FAT1: variants seen among roughly 807,000 people sequenced by gnomAD.
FAT1 encodes protocadherin Fat 1.
FAT1 carries 171 observed loss-of-function variants against 329.8 expected under a neutral mutation model. The observed-to-expected ratio is 0.52, with a 90% confidence interval of 0.46 to 0.59. FAT1 has a LOEUF of 0.59. FAT1 is among the 20% of genes least tolerant of loss of function. The probability of loss-of-function intolerance (pLI) is 0.00; values close to 1 mark genes in which losing one functional copy is unlikely to be tolerated. For missense variants in FAT1, 5,672 were observed against 5,774.4 expected (o/e 0.98, Z 0.57); for synonymous variants, 2,233 against 2,228.6 (o/e 1.00, Z -0.06).
At chr4:186,655,135 A>G (rs1395359928) in intron 3 of FAT1, among the ~76,000 whole-genome samples, 1 of 152,218 alleles carries the variant, frequency 6.6e-6, no homozygotes, top group East Asian at 1.9e-4. Flanking sequence ...CAGCTGTCAA[A>G]GAGCCTAAAA....
intron 2 of FAT1, among the ~76,000 whole-genome samples, chr4:186,696,843 G>T (rs535839734): frequency 2.0e-5 from 3 of 152,104 alleles, no homozygotes; most frequent in Non-Finnish European, 2.9e-5. Flanking sequence ...GGCCAACACA[G>T]CAAAAACTCG....
At chr4:186,666,247 G>T (rs1373055957) in intron 2 of FAT1, among the ~76,000 whole-genome samples, 1 of 151,938 alleles carries the variant, frequency 6.6e-6, no homozygotes, top group East Asian at 1.9e-4. Context: ...TGAGCTAACT[G>T]GTTCCTCCGT....
chr4:186,671,706 A>T (rs536248941), intron 2 of FAT1, among the ~76,000 whole-genome samples: 1 of 148,434 alleles, frequency 6.7e-6, no homozygotes, highest in East Asian at 1.9e-4. Context: ...CTCAAAAAAA[A>T]ATAAAAATAA....
rs1744677713 is a variant in FAT1, at chr4:186,707,324, T to G, written c.2504A>C (p.Lys835Thr). 6.2e-7 allele frequency: 1 copy of G among 1,613,858 alleles called. No homozygotes were observed. The highest frequency in any genetic ancestry group is 8.5e-7 in the Non-Finnish European group (1 of 1,179,878). Reference protein sequence around the residue: ...ESYFVEVSEDKEVHSEIIQVE... With the variant: ...ESYFVEVSEDTEVHSEIIQVE... ...CTGGATGATTTCACTATGTACCTCC[T>G]TGTCTTCACTCACTTCCACAAAATA... The change falls in exon 2 of 27, where the codon AAG becomes ACG. Residue 835 changes from lysine to threonine, a missense_variant. Coordinates refer to ENST00000441802, the MANE Select transcript of FAT1 (RefSeq NM_005245.4).
chr4:186,645,531 T>A (rs1741331027), intron 3 of FAT1, among the ~76,000 whole-genome samples: 2 of 150,568 alleles, frequency 1.3e-5, no homozygotes, highest in Admixed American at 6.6e-5. Flanking sequence ...AGAGATTAAG[T>A]TGCTTACTCA....
chr4:186,609,756 C>T (rs2126458428), intron 15 of FAT1, 45 bp downstream of exon 15: 1 of 1,358,224 alleles, frequency 7.4e-7, no homozygotes, highest in Non-Finnish European at 1.1e-6. Context: ...TTGCAAAGAT[C>T]CAGAAGATAC....
intron 16 of FAT1, 117 bp from the exon 17 acceptor site, chr4:186,606,330 T>C (rs951571380): frequency 6.6e-6 from 7 of 1,066,030 alleles, no homozygotes; most frequent in East Asian, 2.5e-5. Flanking sequence ...CACTATCTGT[T>C]GCATCCTGCC....
intron 1 of FAT1, among the ~76,000 whole-genome samples, chr4:186,718,423 C>A (rs767291182): frequency 6.6e-6 from 1 of 152,104 alleles, no homozygotes; most frequent in Non-Finnish European, 1.5e-5. Context: ...AATCCCAGTA[C>A]TTTGGGAGGC....
At chr4:186,645,467 T>A (rs1356433948) in intron 3 of FAT1, among the ~76,000 whole-genome samples, 1 of 143,324 alleles carries the variant, frequency 7.0e-6, no homozygotes, top group Non-Finnish European at 1.5e-5. Context: ...TATGTGTATA[T>A]CTTCACATAT....
intron 1 of FAT1, among the ~76,000 whole-genome samples, chr4:186,717,192 T>C (rs1745250824): frequency 6.6e-6 from 1 of 152,224 alleles, no homozygotes; most frequent in Non-Finnish European, 1.5e-5. Context: ...TCAATTATCA[T>C]AGCCATGTCG....
At chr4:186,634,564 C>T (rs1300527768) in intron 6 of FAT1, among the ~76,000 whole-genome samples, 5 of 151,674 alleles carry the variant, frequency 3.3e-5, no homozygotes, top group Admixed American at 1.3e-4. Context: ...GTGAGCATTA[C>T]GTGGCAACAC....
rs2126698929 is a variant in FAT1 at position 186,708,768 on chromosome 4, G to C, written c.1060C>G (p.His354Asp). The change falls in exon 2 of 27, where the codon CAC (histidine) becomes GAC (aspartate). Residue 354 changes from histidine to aspartate, a missense_variant. By Grantham distance (81) the His-to-Asp change is moderately conservative. Around this residue, in one of 2 missense-constraint regions of FAT1, gnomAD observed 3,966 missense variants for 3,915.2 expected, o/e 1.01. Transcript: ENST00000441802. ...PPQFSSVKVI[H>D]VTSPQFKAGP... ...GCTTTGAACTGTGGAGAAGTCACGT[G>C]AATGACTTTAACAGAAGAGAACTGG... 2 of 1,613,984 alleles carry C rather than the reference G, an allele frequency of 1.2e-6. No individual in the cohort carries two copies. Among genetic ancestry groups the C allele is most frequent in the Non-Finnish European group, 1.7e-6 (2 of 1,179,878 alleles).
intron 2 of FAT1, among the ~76,000 whole-genome samples, chr4:186,668,468 G>A (rs1052066993): frequency 6.6e-6 from 1 of 152,198 alleles, no homozygotes; most frequent in Non-Finnish European, 1.5e-5. Context: ...ACGTTGAAAT[G>A]ATTTGTCCAA....
chr4:186,725,853 C>A (rs986932020), upstream of FAT1, among the ~76,000 whole-genome samples: 1 of 152,170 alleles, frequency 6.6e-6, no homozygotes, highest in African/African-American at 2.4e-5. The surrounding 1 kb of genome is among the most constrained non-coding windows in gnomAD (Gnocchi z 5.4). Context: ...TACATCCAGT[C>A]CACCCAAGCT....
At chr4:186,667,341 C>T (rs1367319741) in intron 2 of FAT1, among the ~76,000 whole-genome samples, 3 of 151,854 alleles carry the variant, frequency 2.0e-5, no homozygotes, top group Admixed American at 6.6e-5. Flanking sequence ...CGGTAATCTA[C>T]GGATATTACT....
intron 3 of FAT1, among the ~76,000 whole-genome samples, chr4:186,659,673 G>C (rs1473936760): frequency 6.8e-6 from 1 of 147,254 alleles, no homozygotes; most frequent in Admixed American, 6.8e-5. Context: ...CACACAAGCC[G>C]GCTGTGGCAC....
chr4:186,596,737 A>G lies in FAT1; in HGVS notation c.12803T>C (p.Leu4268Pro), dbSNP rs2126389142. The part of the protein sequence containing the change: ...PSIPSDSRNN[L>P]DRNSFEGSAI... The stretch of plus-strand genomic sequence containing the variant: ...AGATCCTTCGAAGGAATTTCGGTCC[A>G]GATTGTTTCTTGAGTCACTTGGAAT... The change falls in exon 25 of 27, where the codon CTG becomes CCG. Residue 4268 changes from leucine (L) to proline (P), a missense_variant. By Grantham distance (98) the Leu-to-Pro change is moderately conservative. Coordinates refer to ENST00000441802, the MANE Select transcript of FAT1 (RefSeq NM_005245.4). This position sits in a 1 kb window ranked among gnomAD's most constrained non-coding sequence, Gnocchi z 4.7. 1.2e-6 allele frequency: 2 copies of G among 1,614,034 alleles called. No homozygotes were observed. The highest frequency in any genetic ancestry group is 2.2e-5 in the South Asian group (2 of 91,084).
intron 7 of FAT1, 84 bp downstream of exon 7, chr4:186,633,600 A>G (rs1437781045): frequency 6.8e-7 from 1 of 1,468,660 alleles, no homozygotes; most frequent in Non-Finnish European, 9.5e-7. Flanking sequence ...GGCAGAATCC[A>G]CCGCTCATAT....
rs552236609 is a variant in FAT1, at chr4:186,588,019, C to G, written c.*573G>C. 3 of 216,582 alleles carry G rather than the reference C, an allele frequency of 1.4e-5. No individual in the cohort carries two copies. Among genetic ancestry groups the G allele is most frequent in the African/African-American group, 2.3e-5 (1 of 44,336 alleles). The allele number at this position is 216,582 out of a possible 1,614,324, so 13.4% of individuals were successfully genotyped here. A position where few individuals can be genotyped will look rare whatever the true frequency, so the allele number is the denominator to read the frequency against. On this transcript the variant is annotated 3_prime_UTR_variant, in exon 27 of 27. Transcript: ENST00000441802. ...ACCCATGTAAGACATGTTCATGTATCTGATCTCTCCTTCATCCTATGTACA... is the reference window on the plus strand; with the variant it reads ...ACCCATGTAAGACATGTTCATGTATGTGATCTCTCCTTCATCCTATGTACA...
Sources: allele counts gnomAD v4.1 joint callset (sites outside exome capture counted in the v4.1 genomes callset), GRCh38; gene constraint gnomAD v4.1.1; regional missense constraint gnomAD v4.1.1; non-coding constraint Gnocchi (gnomAD v3.1); transcripts MANE v1.5; gene names NCBI Gene and HGNC (gene_info 2026-07-23, HGNC 2026-07-21).